MCM3AP: variants seen among roughly 807,000 people sequenced by gnomAD.
MCM3AP encodes germinal-center associated nuclear protein.
A neutral mutation model predicts 184.1 loss-of-function variants in MCM3AP; 126 were observed. The observed-to-expected ratio is 0.68, with a 90% CI of 0.59 to 0.79. The LOEUF (loss-of-function observed/expected upper bound fraction) is 0.79, where lower values mean the gene tolerates loss of function less well. MCM3AP is among the 30% of genes least tolerant of loss of function. The probability of loss-of-function intolerance (pLI) is 0.00; values close to 1 mark genes in which losing one functional copy is unlikely to be tolerated. For missense variants in MCM3AP, 2,496 were observed against 2,479.2 expected (o/e 1.01, Z -0.14); for synonymous variants, 1,002 against 979.3 (o/e 1.02, Z -0.43).
At chr21:46,239,797 G>A (rs1183631095) in intron 26 of MCM3AP, among the ~76,000 whole-genome samples, 1 of 152,006 alleles carries the variant, frequency 6.6e-6, no homozygotes, top group Non-Finnish European at 1.5e-5. Context: ...TTGAGAGAAT[G>A]AATCCAGGGG....
intron 6 of MCM3AP, 147 bp from the exon 7 acceptor site, chr21:46,273,732 A>G: frequency 1.5e-6 from 1 of 647,768 alleles, no homozygotes; most frequent in African/African-American, 1.8e-5. Context: ...AATTTCTGTT[A>G]AAAGGTGACA....
At chr21:46,260,377 C>A (rs1022633233) in intron 15 of MCM3AP, among the ~76,000 whole-genome samples, 2 of 152,238 alleles carry the variant, frequency 1.3e-5, no homozygotes, top group African/African-American at 4.8e-5. Flanking sequence ...CCTGGAACTT[C>A]TGAGCTTAAG....
rs2081101879 is a variant in MCM3AP, at chr21:46,265,657, C to G, written c.3032-134G>C. 37 of 779,024 alleles carry G rather than the reference C, an allele frequency of 4.7e-5. No individual in the cohort carries two copies. In the South Asian group the frequency reaches 6.6e-4, roughly 14 times the overall value. The allele number at this position is 779,024 out of a possible 1,614,324, so 48.3% of individuals were successfully genotyped here. A position where few individuals can be genotyped will look rare whatever the true frequency, so the allele number is the denominator to read the frequency against. ...AGGACTGGCCTGCCCTCCAGGAGAC[C>G]AGCTACGTGGGACAACATACGCTTT... is the stretch of plus-strand genomic sequence containing the variant. On this transcript the variant is annotated intron_variant, in intron 11 of 27. Transcript: ENST00000291688.
chr21:46,275,107 C>A lies in MCM3AP; in HGVS notation c.1998+79G>T, dbSNP rs552073719. The A allele has an allele frequency of 9.0e-5, 132 of 1,461,812 alleles. No individual in the cohort carries two copies. In the African/African-American group the frequency reaches 1.7e-3, roughly 19 times the overall value. The allele number at this position is 1,461,812 out of a possible 1,614,324, so 90.6% of individuals were successfully genotyped here. On this transcript the variant is annotated intron_variant, in intron 6 of 27. Transcript: ENST00000291688. The stretch of plus-strand genomic sequence containing the variant: ...TACCCAACACTGTCTAAAACAAACA[C>A]CCAAATCAAGTATGTACAGAAATGA...
chr21:46,242,995 AAAAACACACAC>A, intron 24 of MCM3AP, 64 bp from the exon 25 acceptor site: 1 of 1,412,448 alleles, frequency 7.1e-7, no homozygotes, highest in Non-Finnish European at 9.5e-7. Flanking sequence ...CAAAAAAAAA[AAAAACACACAC>A]AAAAAAACAA....
intron 17 of MCM3AP, 23 bp downstream of exon 17, chr21:46,256,766 G>C (rs2080956455): frequency 6.5e-7 from 1 of 1,537,718 alleles, no homozygotes; most frequent in Non-Finnish European, 8.8e-7. Context: ...GCCCTGACGA[G>C]GCAGGCGACA....
chr21:46,242,792 T>C lies in MCM3AP; in HGVS notation c.5426+10A>G, dbSNP rs754476888. 156 of 1,601,000 alleles carry C rather than the reference T, an allele frequency of 9.7e-5. No homozygotes were observed. Among genetic ancestry groups the C allele is most frequent in the Non-Finnish European group, 1.4e-5 (17 of 1,175,840 alleles). Reference sequence around the variant, plus strand: ...GCAAGCAACAGAAACATACTGAACATGAACCTCACCGTCCCTCTCTCAGCT... The same window carrying C: ...GCAAGCAACAGAAACATACTGAACACGAACCTCACCGTCCCTCTCTCAGCT... On this transcript the variant is annotated intron_variant, in intron 25 of 27. Transcript: ENST00000291688.
rs373345156 is a variant in MCM3AP, at chr21:46,265,477, C to T, written c.3078G>A (p.Leu1026=). 2 of 1,611,050 alleles carry T rather than the reference C, an allele frequency of 1.2e-6. No homozygotes were observed. The highest frequency in any genetic ancestry group is 1.7e-6 in the Non-Finnish European group (2 of 1,178,666). ...CTGGTAGAGACTGTGGGAGACTGGA[C>T]AGGGGTGCATCCGGCTCTACACCAC... ...EECGVEPDAP[L]SSLPQSLPAP... is the part of the protein sequence containing the mutation. The change falls in exon 12 of 28, where the codon CTG becomes CTA. Residue 1026 remains leucine (L), a synonymous_variant. Transcript: ENST00000291688.
At chr21:46,245,280 T>G (rs1324903530) in intron 22 of MCM3AP, 83 bp from the exon 23 acceptor site, 7 of 1,373,234 alleles carry the variant, frequency 5.1e-6, no homozygotes, top group Non-Finnish European at 6.9e-6. Context: ...TCCCCCAAGG[T>G]TGCCCACAGC....
At chr21:46,261,433 G>A (rs781327469) in intron 13 of MCM3AP, 22 bp from the exon 14 acceptor site, 2 of 1,611,824 alleles carry the variant, frequency 1.2e-6, no homozygotes, top group South Asian at 1.1e-5. Context: ...AAAGGGGATA[G>A]CATTCAAAAT....
At chr21:46,276,482 C>G (rs2081256420) in intron 5 of MCM3AP, among the ~76,000 whole-genome samples, 1 of 152,054 alleles carries the variant, frequency 6.6e-6, no homozygotes, top group African/African-American at 2.4e-5. Context: ...GCTCTTGCTG[C>G]CCAGGCTGGA....
intron 13 of MCM3AP, 52 bp from the exon 14 acceptor site, chr21:46,261,463 G>A (rs183402185): frequency 6.1e-5 from 96 of 1,575,818 alleles, no homozygotes; most frequent in East Asian, 2.0e-4. Flanking sequence ...GGCCGGGTGC[G>A]GTGGCTCACG....
intron 5 of MCM3AP, among the ~76,000 whole-genome samples, chr21:46,276,149 G>A (rs990841809): frequency 6.6e-6 from 1 of 151,968 alleles, no homozygotes; most frequent in African/African-American, 2.4e-5. Context: ...CTACTCAGGA[G>A]GCTGAGGCAA....
Position 46,263,853 on chromosome 21 carries a change from T to C in MCM3AP, c.3335+264A>G, listed in dbSNP as rs376028939. On this transcript the variant is annotated intron_variant, in intron 13 of 27. Coordinates refer to ENST00000291688, the MANE Select transcript of MCM3AP (RefSeq NM_003906.5). ...AGAACAATCTACAGATTCAACGCAA[T>C]CCCTATCAAAATCCCAACAGCACTT... 3.1e-3 allele frequency among the ~76,000 whole-genome samples: 369 copies of C among 120,346 alleles called. 2 individuals carry two copies. The highest frequency in any genetic ancestry group is 0.011 in the African/African-American group (344 of 31,516). The allele number at this position is 120,346 out of a possible 152,430, so 79.0% of individuals were successfully genotyped here.
Position 46,285,479 on chromosome 21 carries a change from G to A in MCM3AP, c.-193C>T, listed in dbSNP as rs2081402898. 8.6e-6 allele frequency: 5 copies of A among 578,560 alleles called. No homozygotes were observed. The highest frequency in any genetic ancestry group is 1.5e-5 in the Non-Finnish European group (5 of 327,950). 35.8% of individuals were successfully genotyped at this position (578,560 alleles called of 1,614,324 possible). Reference sequence around the variant, plus strand: ...TTTTTGAACACTGTCATACTAAAAGGATAACTATTTCAAAGGCAGGCAAAG... The same window carrying A: ...TTTTTGAACACTGTCATACTAAAAGAATAACTATTTCAAAGGCAGGCAAAG... On this transcript the variant is annotated 5_prime_UTR_variant, in exon 1 of 28. Transcript: ENST00000291688.
Position 46,244,850 on chromosome 21 carries a change from C to T in MCM3AP, c.4995G>A (p.Val1665=), listed in dbSNP as rs2080736910. ...CCATCTGCGGAAGCTGGAACCCGAG[C>T]ACAGCCTGCTTCAGCCAGGCCAGGT... is the stretch of plus-strand genomic sequence containing the variant. The part of the protein sequence containing the change: ...PEHLAWLKQA[V]LGFQLPQMDL... Residue 1665 remains valine (V), a synonymous_variant, in exon 23 of 28, where the codon GTG becomes GTA. Coordinates refer to ENST00000291688, the MANE Select transcript of MCM3AP (RefSeq NM_003906.5). The T allele has an allele frequency of 6.2e-7, 1 of 1,614,044 alleles. No individual in the cohort carries two copies. The highest frequency in any genetic ancestry group is 8.5e-7 in the Non-Finnish European group (1 of 1,180,006).
At chr21:46,265,120 A>G (rs1166620714) in intron 12 of MCM3AP, among the ~76,000 whole-genome samples, 1 of 152,146 alleles carries the variant, frequency 6.6e-6, no homozygotes, top group Non-Finnish European at 1.5e-5. Context: ...CTGTGACAGG[A>G]AGCTCCTGAG....
chr21:46,274,375 C>G (rs1334016651), intron 6 of MCM3AP, among the ~76,000 whole-genome samples: 3 of 152,160 alleles, frequency 2.0e-5, no homozygotes, highest in Non-Finnish European at 4.4e-5. Context: ...ACCAGAGAAG[C>G]ATTACATACA....
Position 46,284,101 on chromosome 21 carries a change from C to G in MCM3AP, c.1186G>C (p.Glu396Gln). ...TTCTCTCTACTTTCAGTTTCTTCCT[C>G]TTTATTCACACCTGGAATCCGGGAA... ...APSRIPGVNK[E>Q]EETESREKKE... Residue 396 changes from glutamate (E) to glutamine (Q), a missense_variant, in exon 1 of 28, where the codon GAG (glutamate) becomes CAG (glutamine). Glu to Gln is a conservative substitution (Grantham distance 29, BLOSUM62 2). Transcript: ENST00000291688. 6.2e-7 allele frequency: 1 copy of G among 1,613,918 alleles called. No individual in the cohort carries two copies. Among genetic ancestry groups the G allele is most frequent in the Admixed American group, 1.7e-5 (1 of 59,974 alleles).
Sources: gnomAD v4.1 joint callset for allele counts (sites outside exome capture counted in the v4.1 genomes callset) on GRCh38, gnomAD v4.1.1 for gene constraint, MANE v1.5 for transcripts, NCBI Gene and HGNC (gene_info 2026-07-23, HGNC 2026-07-21) for gene names.